Variants in TP63 observed in about 807,000 individuals in gnomAD.
TP63 encodes the protein tumor protein 63.
A neutral mutation model predicts 82.8 loss-of-function variants in TP63; 17 were observed. That is an observed-to-expected ratio of 0.21 (90% CI 0.14 to 0.31). TP63 has a LOEUF of 0.31. TP63 is among the 10% of genes least tolerant of loss of function. The probability of loss-of-function intolerance (pLI) is 1.00; values close to 1 mark genes in which losing one functional copy is unlikely to be tolerated. For synonymous variants in TP63, 330 were observed against 321.7 expected (o/e 1.03, Z -0.28); for missense variants, 648 against 895.3 (o/e 0.72, Z 3.52).
chr3:189,752,762 A>G (rs1029794868), intron 3 of TP63, among the ~76,000 whole-genome samples: 7 of 151,686 alleles, frequency 4.6e-5, no homozygotes, highest in Non-Finnish European at 7.4e-5. Flanking sequence ...TTGAGTTGAG[A>G]TATCTTTTCT....
chr3:189,794,760 A>G lies in TP63; in HGVS notation c.325-13512A>G, dbSNP rs566471672. ...GTAATTGTGTAATTGGAGCTCTACTAGAGAGCACAGGGAGAATAAATGGCT... is the reference window on the plus strand; with the variant it reads ...GTAATTGTGTAATTGGAGCTCTACTGGAGAGCACAGGGAGAATAAATGGCT... On this transcript the variant is annotated intron_variant, in intron 3 of 13. Coordinates refer to ENST00000264731, the MANE Select transcript of TP63 (RefSeq NM_003722.5). 8.3e-4 allele frequency among the ~76,000 whole-genome samples: 126 copies of G among 152,196 alleles called. 1 individual carries two copies. Among genetic ancestry groups the G allele is most frequent in the African/African-American group, 3.0e-3 (123 of 41,562 alleles).
chr3:189,812,726 CAT>C (rs2108649606), intron 4 of TP63, among the ~76,000 whole-genome samples: 1 of 152,306 alleles, frequency 6.6e-6, no homozygotes, highest in South Asian at 2.1e-4. Flanking sequence ...CCTAGCTACT[CAT>C]ATGCTCCCAA....
chr3:189,648,275 A>G (rs1460184539), intron 1 of TP63, among the ~76,000 whole-genome samples: 1 of 146,914 alleles, frequency 6.8e-6, no homozygotes, highest in Non-Finnish European at 1.5e-5. Context: ...TATTTATGTT[A>G]TTTTGTCCAT....
chr3:189,745,058 G>A (rs1176779781), intron 3 of TP63, among the ~76,000 whole-genome samples: 3 of 152,212 alleles, frequency 2.0e-5, no homozygotes, highest in African/African-American at 7.2e-5. Context: ...AGTATATACT[G>A]AGAATAAAAG....
At chr3:189,709,531 T>C (rs1030674135) in intron 1 of TP63, among the ~76,000 whole-genome samples, 1 of 152,196 alleles carries the variant, frequency 6.6e-6, no homozygotes, top group Admixed American at 6.5e-5. Flanking sequence ...CAGCTTTATG[T>C]TATTTATTCT....
At chr3:189,726,298 A>G (rs1719775828) in intron 1 of TP63, among the ~76,000 whole-genome samples, 1 of 152,190 alleles carries the variant, frequency 6.6e-6, no homozygotes, top group South Asian at 2.1e-4. Context: ...GATCTTGACA[A>G]GTATTTTAAT....
At chr3:189,751,722 C>T (rs7618682) in intron 3 of TP63, among the ~76,000 whole-genome samples, 43,372 of 151,846 alleles carry the variant, frequency 0.29, 6,891 homozygotes, top group Middle Eastern at 0.37. Context: ...GGATATTAGC[C>T]CTTTGTCAGA....
At chr3:189,806,806 A>C (rs1217225020) in intron 3 of TP63, among the ~76,000 whole-genome samples, 1 of 152,240 alleles carries the variant, frequency 6.6e-6, no homozygotes, top group East Asian at 1.9e-4. Flanking sequence ...TGGAATGAGC[A>C]TGTGACTATT....
At chr3:189,757,479 G>C (rs1722265085) in intron 3 of TP63, among the ~76,000 whole-genome samples, 1 of 152,148 alleles carries the variant, frequency 6.6e-6, no homozygotes, top group African/African-American at 2.4e-5. Context: ...CTGAGATAAG[G>C]CATGTTAGCA....
chr3:189,698,424 A>G lies in TP63; in HGVS notation c.63-39316A>G, dbSNP rs904713895. ...ATTTTTCTCAGTTTCTTCCATCTCAATTAGAGGTGGCAATCATTCCTTTAT... is the reference window on the plus strand; with the variant it reads ...ATTTTTCTCAGTTTCTTCCATCTCAGTTAGAGGTGGCAATCATTCCTTTAT... On this transcript the variant is annotated intron_variant, in intron 1 of 13. Transcript: ENST00000264731. Among the ~76,000 whole-genome samples the G allele has an allele frequency of 2.6e-5, 4 of 152,174 alleles. No individual in the cohort carries two copies. The East Asian group carries it at 5.8e-4, about 22-fold the overall frequency.
chr3:189,894,872 T>TG lies in TP63; in HGVS notation c.*376dup. On this transcript the variant is annotated 3_prime_UTR_variant, in exon 14 of 14. Coordinates refer to ENST00000264731, the MANE Select transcript of TP63 (RefSeq NM_003722.5). ...TAAATATACAGTATAGATTTTTGGG[T>TG]GGGGGGCATTGAGTATTGTTTAAAA... The TG allele has an allele frequency of 4.3e-6, 1 of 234,798 alleles. No homozygotes were observed. Among genetic ancestry groups the TG allele is most frequent in the Non-Finnish European group, 8.4e-6 (1 of 118,482 alleles). 14.5% of individuals were successfully genotyped at this position (234,798 alleles called of 1,614,324 possible).
At chr3:189,701,059 A>C (rs1397383219) in intron 1 of TP63, among the ~76,000 whole-genome samples, 2 of 152,172 alleles carry the variant, frequency 1.3e-5, no homozygotes, top group Non-Finnish European at 2.9e-5. Flanking sequence ...AAATTTTCTA[A>C]AATGAGAGAT....
intron 3 of TP63, among the ~76,000 whole-genome samples, chr3:189,761,853 G>C (rs577292085): frequency 6.6e-6 from 1 of 152,232 alleles, no homozygotes; most frequent in East Asian, 1.9e-4. Context: ...GGAGGAGCAA[G>C]TCACATCTTA....
At chr3:189,700,316 T>C (rs1717705610) in intron 1 of TP63, among the ~76,000 whole-genome samples, 1 of 152,144 alleles carries the variant, frequency 6.6e-6, no homozygotes, top group Admixed American at 6.6e-5. Context: ...AAAAAAATGG[T>C]GCCATCATTC....
At chr3:189,848,232 C>CTCT (rs1715139483) in intron 4 of TP63, among the ~76,000 whole-genome samples, 8 of 44,976 alleles carry the variant, frequency 1.8e-4, no homozygotes, top group Admixed American at 4.9e-4. Context: ...CCTCCTCCTC[C>CTCT]TCCTCCTTCT....
intron 1 of TP63, among the ~76,000 whole-genome samples, chr3:189,736,593 TAGA>T (rs1438509597): frequency 6.6e-6 from 1 of 152,156 alleles, no homozygotes; most frequent in African/African-American, 2.4e-5. Context: ...CATCAATTCC[TAGA>T]AGATGAGACA....
At chr3:189,744,012 C>A (rs1486110751) in intron 3 of TP63, among the ~76,000 whole-genome samples, 3 of 152,180 alleles carry the variant, frequency 2.0e-5, no homozygotes, top group African/African-American at 7.2e-5. Context: ...AAGTCCTAAG[C>A]AGCTGCAGCA....
the TP63 span, among the ~76,000 whole-genome samples, chr3:189,604,056 T>G: frequency 2.0e-5 from 3 of 152,186 alleles, no homozygotes; most frequent in South Asian, 6.2e-4. Flanking sequence ...AAAGAATTAG[T>G]AGAAAAGACA....
chr3:189,742,182 G>T (rs532959307), intron 3 of TP63, among the ~76,000 whole-genome samples: 3 of 144,324 alleles, frequency 2.1e-5, no homozygotes, highest in African/African-American at 7.8e-5. Context: ...GGTGGAGGTT[G>T]CAGTGAGCTA....
Sources: allele counts gnomAD v4.1 joint callset (sites outside exome capture counted in the v4.1 genomes callset), GRCh38; gene constraint gnomAD v4.1.1; transcripts MANE v1.5; gene names NCBI Gene and HGNC (gene_info 2026-07-23, HGNC 2026-07-21).